The following FHIT variants were observed in gnomAD, a reference collection of about 807,000 sequenced individuals.
The protein encoded by FHIT is fragile histidine triad diadenosine triphosphatase, also known as bis(5'-adenosyl)-triphosphatase.
Under a neutral mutation model 17.9 loss-of-function variants are expected in FHIT, and 19 were observed. That is an observed-to-expected ratio of 1.06 (90% CI 0.74 to 1.56). The LOEUF (loss-of-function observed/expected upper bound fraction) is 1.56. Ranked by LOEUF, FHIT falls within the 40% of genes most tolerant of loss-of-function variation. The pLI is 0.00. For missense variants in FHIT, 248 were observed against 189.2 expected, an observed-to-expected ratio of 1.31 and a Z score of -1.82; for synonymous variants, 81 against 69.7, an observed-to-expected ratio of 1.16 and a Z score of -0.81.
chr3:60,720,957 A>G (rs2107963323), intron 4 of FHIT, among the ~76,000 whole-genome samples: 1 of 152,318 alleles, frequency 6.6e-6, no homozygotes, highest in East Asian at 1.9e-4. Context: ...GGAAAATCCA[A>G]GTTGCCTGAA....
At chr3:60,536,768 G>C (rs1275570468) in intron 5 of FHIT, 92 bp downstream of exon 5, 14 of 1,361,936 alleles carry the variant, frequency 1.0e-5, no homozygotes, top group Non-Finnish European at 1.2e-5. Flanking sequence ...TTTTTGGACA[G>C]ACTGGAGGCC....
chr3:60,467,785 G>C (rs901587819), intron 5 of FHIT, among the ~76,000 whole-genome samples: 2 of 152,044 alleles, frequency 1.3e-5, no homozygotes, highest in Non-Finnish European at 1.5e-5. Flanking sequence ...TGTGTACTCT[G>C]CAGCCATTGG....
At chr3:60,557,366 C>T (rs547028071) in intron 4 of FHIT, among the ~76,000 whole-genome samples, 8 of 151,932 alleles carry the variant, frequency 5.3e-5, no homozygotes, top group African/African-American at 1.4e-4. Flanking sequence ...CAAATGTCTA[C>T]ATCCTGGTGG....
At chr3:59,975,348 C>A (rs1249282023) in intron 7 of FHIT, among the ~76,000 whole-genome samples, 1 of 152,114 alleles carries the variant, frequency 6.6e-6, no homozygotes, top group Non-Finnish European at 1.5e-5. Context: ...TCCCAAGTGG[C>A]TACCTCTAAA....
chr3:59,817,227 G>A (rs1333507311), intron 8 of FHIT, among the ~76,000 whole-genome samples: 3 of 152,168 alleles, frequency 2.0e-5, no homozygotes, highest in African/African-American at 7.2e-5. Context: ...TGTGTGTGTT[G>A]TTAGTGTACC....
chr3:60,202,360 T>C (rs1315809456), intron 5 of FHIT, among the ~76,000 whole-genome samples: 2 of 152,198 alleles, frequency 1.3e-5, no homozygotes, highest in African/African-American at 4.8e-5. Context: ...GGCAAAGCAA[T>C]GCTTCCTCCA....
intron 5 of FHIT, among the ~76,000 whole-genome samples, chr3:60,068,815 T>A (rs1702632644): frequency 6.6e-6 from 1 of 152,172 alleles, no homozygotes; most frequent in Non-Finnish European, 1.5e-5. Flanking sequence ...TGAATAGAAA[T>A]GCTATTCTTG....
At chr3:61,098,320 G>C (rs1178873046) in intron 2 of FHIT, among the ~76,000 whole-genome samples, 1 of 152,048 alleles carries the variant, frequency 6.6e-6, no homozygotes, top group East Asian at 1.9e-4. Flanking sequence ...GTTTGTCTTT[G>C]TACCAGAGCC....
chr3:60,205,645 G>A (rs1327843784), intron 5 of FHIT, among the ~76,000 whole-genome samples: 1 of 152,104 alleles, frequency 6.6e-6, no homozygotes, highest in Admixed American at 6.5e-5. Context: ...TCATGTGTAC[G>A]GGAATGGGAT....
At chr3:60,944,777 A>C (rs562862660) in intron 3 of FHIT, among the ~76,000 whole-genome samples, 1 of 152,336 alleles carries the variant, frequency 6.6e-6, no homozygotes, top group African/African-American at 2.4e-5. Context: ...GAGAAAATTG[A>C]GTCATCATGT....
intron 8 of FHIT, among the ~76,000 whole-genome samples, chr3:59,882,138 TAGG>T (rs1194723363): frequency 6.6e-6 from 1 of 151,892 alleles, no homozygotes; most frequent in Non-Finnish European, 1.5e-5. Flanking sequence ...ATGCTCAAAA[TAGG>T]AGTCTTTTGA....
At chr3:61,014,178 G>A (rs1353257547) in intron 3 of FHIT, among the ~76,000 whole-genome samples, 2 of 152,098 alleles carry the variant, frequency 1.3e-5, no homozygotes. Flanking sequence ...CCTTGGAAGA[G>A]GACAAATGGC....
intron 5 of FHIT, among the ~76,000 whole-genome samples, chr3:60,077,736 AGAG>A (rs1188045559): frequency 1.8e-3 from 125 of 68,860 alleles, no homozygotes; most frequent in African/African-American, 6.9e-3. Flanking sequence ...ACACATATAT[AGAG>A]GGGGGGGGGA....
intron 5 of FHIT, among the ~76,000 whole-genome samples, chr3:60,291,654 G>T (rs113366867): frequency 0.025 from 3,870 of 152,192 alleles, 62 homozygotes; most frequent in African/African-American, 0.045. Context: ...AGAAAATTCT[G>T]CTGAGAACTC....
rs966990626 is a variant in FHIT, at chr3:59,987,154, T to A, written c.279+24217A>T. Among the ~76,000 whole-genome samples the A allele has an allele frequency of 1.0e-4, 15 of 144,694 alleles. No individual in the cohort carries two copies. In the South Asian group the frequency reaches 3.2e-3, roughly 31 times the overall value. The allele number at this position is 144,694 out of a possible 152,430, so 94.9% of individuals were successfully genotyped here. ...AAAATATATAATTATATAAATAATA[T>A]AGACATAAAAATATATATTTATATA... On this transcript the variant is annotated intron_variant, in intron 7 of 9. Coordinates refer to ENST00000492590, the MANE Select transcript of FHIT (RefSeq NM_002012.4).
intron 3 of FHIT, among the ~76,000 whole-genome samples, chr3:60,859,944 T>C (rs1175249951): frequency 4.7e-5 from 7 of 150,100 alleles, no homozygotes; most frequent in African/African-American, 1.5e-4. Flanking sequence ...CTGGGGAGAC[T>C]GAGGTAGGAG....
At chr3:60,714,702 A>T (rs2041634560) in intron 4 of FHIT, among the ~76,000 whole-genome samples, 1 of 152,244 alleles carries the variant, frequency 6.6e-6, no homozygotes, top group South Asian at 2.1e-4. Flanking sequence ...AAAGAGAAGA[A>T]AATACCTAGG....
rs532169489 is a variant in FHIT, at chr3:60,722,374, C to A, written c.-18+99545G>T. Among the ~76,000 whole-genome samples, 11 of 152,326 alleles carry A rather than the reference C, an allele frequency of 7.2e-5. No homozygotes were observed. In the South Asian group the frequency reaches 1.7e-3, roughly 23 times the overall value. ...TAAGAAAAGAGAGCAGGAGTTGGGGCAGGCATAAAAGGTGAGGTAGTTATT... is the reference window on the plus strand; with the variant it reads ...TAAGAAAAGAGAGCAGGAGTTGGGGAAGGCATAAAAGGTGAGGTAGTTATT... On this transcript the variant is annotated intron_variant, in intron 4 of 9. Coordinates refer to ENST00000492590, the MANE Select transcript of FHIT (RefSeq NM_002012.4).
At chr3:60,454,735 A>C (rs902409998) in intron 5 of FHIT, among the ~76,000 whole-genome samples, 1 of 152,070 alleles carries the variant, frequency 6.6e-6, no homozygotes, top group Non-Finnish European at 1.5e-5. Context: ...AAGGGCCACC[A>C]TTTCTTGTGC....
Sources: gnomAD v4.1 joint callset for allele counts (sites outside exome capture counted in the v4.1 genomes callset) on GRCh38, gnomAD v4.1.1 for gene constraint, MANE v1.5 for transcripts, NCBI Gene and HGNC (gene_info 2026-07-23, HGNC 2026-07-21) for gene names.